Variants in RPE65 observed in about 807,000 individuals in gnomAD.
RPE65 encodes retinoid isomerohydrolase RPE65, also known as retinoid isomerohydrolase.
RPE65 carries 58 observed loss-of-function variants against 68.5 expected under a neutral mutation model. The observed-to-expected ratio is 0.85, with a 90% confidence interval of 0.69 to 1.05. The LOEUF is 1.05. RPE65 is among the 50% of genes least tolerant of loss of function. RPE65 has a pLI of 0.00. For synonymous variants in RPE65, 220 were observed against 222.2 expected (o/e 0.99, Z 0.09); for missense variants, 643 against 629.9 (o/e 1.02, Z -0.22).
rs281865289 is a variant in RPE65 at position 68,439,081 on chromosome 1, C to A, written c.859G>T (p.Val287Phe). The A allele has an allele frequency of 2.5e-6, 4 of 1,613,770 alleles. No individual in the cohort carries two copies. In the South Asian group the frequency reaches 4.4e-5, roughly 18 times the overall value. Residue 287 changes from valine (V) to phenylalanine (F), a missense_variant and splice_region_variant, in exon 9 of 14, where the codon GTT (valine) becomes TTT (phenylalanine). Coordinates refer to ENST00000262340, the MANE Select transcript of RPE65 (RefSeq NM_000329.3). ...DCFESNETMG[V>F]WLHIADKKRK... is the part of the protein sequence containing the mutation. The stretch of plus-strand genomic sequence containing the variant: ...TTTTTGTCAGCAATATGAAGCCAAA[C>A]CTTGAAAAATGAGGAAAATATTTTG...
At chr1:68,447,690 A>T (rs768798719) in intron 2 of RPE65, among the ~76,000 whole-genome samples, 1 of 152,156 alleles carries the variant, frequency 6.6e-6, no homozygotes, top group Non-Finnish European at 1.5e-5. Flanking sequence ...TCTACTAAAA[A>T]TACGAAAAAT....
intron 10 of RPE65, among the ~76,000 whole-genome samples, chr1:68,437,137 T>C (rs1056419643): frequency 6.6e-6 from 1 of 152,172 alleles, no homozygotes; most frequent in African/African-American, 2.4e-5. Context: ...AAAATACACA[T>C]TTAAAATACT....
At chr1:68,437,427 G>A (rs1285336882) in intron 10 of RPE65, among the ~76,000 whole-genome samples, 1 of 152,160 alleles carries the variant, frequency 6.6e-6, no homozygotes, top group African/African-American at 2.4e-5. Flanking sequence ...AAGAGCAGTG[G>A]TGTTTGGTTC....
chr1:68,440,847 A>C lies in RPE65; in HGVS notation c.643+6T>G. The C allele has an allele frequency of 6.2e-7, 1 of 1,613,876 alleles. No individual in the cohort carries two copies. Among genetic ancestry groups the C allele is most frequent in the Non-Finnish European group, 8.5e-7 (1 of 1,179,816 alleles). ...TTTTCAGAAGAGGACAGATTGGTAA[A>C]CTCACCTGCTTGCAGTGGTGGGATC... On this transcript the variant is annotated splice_donor_region_variant and intron_variant, in intron 6 of 13. Transcript: ENST00000262340.
intron 10 of RPE65, 41 bp downstream of exon 10, chr1:68,438,146 A>G (rs1645873782): frequency 6.2e-7 from 1 of 1,612,480 alleles, no homozygotes; most frequent in Non-Finnish European, 8.5e-7. Context: ...GAGAGATGAA[A>G]CATTCTGGTT....
At chr1:68,438,480 G>T (rs1441177426) in intron 9 of RPE65, among the ~76,000 whole-genome samples, 164 bp from the exon 10 acceptor site, 2 of 152,078 alleles carry the variant, frequency 1.3e-5, no homozygotes, top group Non-Finnish European at 2.9e-5. Context: ...GCCCACACAG[G>T]ATGAAAATAA....
chr1:68,436,535 C>G (rs1022527035), intron 10 of RPE65, among the ~76,000 whole-genome samples: 24 of 151,974 alleles, frequency 1.6e-4, no homozygotes, highest in African/African-American at 5.8e-4. Flanking sequence ...ATGGCATGAT[C>G]TCGGCTCACT....
chr1:68,439,930 G>T (rs994890498), intron 6 of RPE65, among the ~76,000 whole-genome samples: 10 of 152,140 alleles, frequency 6.6e-5, no homozygotes, highest in African/African-American at 2.2e-4. Flanking sequence ...TGGGTTTTAA[G>T]TCAGGGGAGT....
Position 68,446,778 on chromosome 1 carries a change from G to A in RPE65, c.177C>T (p.His59=). Residue 59 remains histidine, a synonymous_variant, in exon 3 of 14, where the codon CAC becomes CAT. Transcript: ENST00000262340. ...LFEVGSEPFY[H]LFDGQALLHK... ...GCAGGAGGGCTTGCCCATCAAACAG[G>A]TGGTAAAATGGCTCAGATCCAACTT... 6.2e-7 allele frequency: 1 copy of A among 1,614,174 alleles called. No homozygotes were observed. The highest frequency in any genetic ancestry group is 1.1e-5 in the South Asian group (1 of 91,078).
In RPE65 at chr1:68,449,917, T is replaced by A; in HGVS notation, c.-12A>T. On this transcript the variant is annotated 5_prime_UTR_variant, in exon 1 of 14. Transcript: ENST00000262340. ...TACTGGATAGACATTTTCTTCCAGT[T>A]CAGGATCCAGAGTTCTGGCACCAAC... The A allele has an allele frequency of 6.2e-7, 1 of 1,614,204 alleles. No individual in the cohort carries two copies. Among genetic ancestry groups the A allele is most frequent in the Non-Finnish European group, 8.5e-7 (1 of 1,180,014 alleles).
chr1:68,447,836 C>T (rs545654193), intron 2 of RPE65, among the ~76,000 whole-genome samples: 5 of 151,784 alleles, frequency 3.3e-5, no homozygotes, highest in African/African-American at 1.2e-4. Context: ...GGCGACTGAG[C>T]GAGACTCTGT....
At chr1:68,434,259 C>T (rs1054058184) in intron 10 of RPE65, among the ~76,000 whole-genome samples, 1 of 151,882 alleles carries the variant, frequency 6.6e-6, no homozygotes, top group Admixed American at 6.6e-5. Context: ...TACCCCAACT[C>T]CAGGCCAAGT....
rs1571156921 is a variant in RPE65, at chr1:68,429,448, A to G, written c.*328T>C. 2 of 316,080 alleles carry G rather than the reference A, an allele frequency of 6.3e-6. No individual in the cohort carries two copies. The highest frequency in any genetic ancestry group is 1.2e-5 in the Non-Finnish European group (2 of 165,818). The allele number at this position is 316,080 out of a possible 1,614,324, so 19.6% of individuals were successfully genotyped here. The stretch of plus-strand genomic sequence containing the variant: ...TGTTAAAAATATAATTGGAGCAGAT[A>G]GGTACCTAAAATATGCTCTTATAAT... On this transcript the variant is annotated 3_prime_UTR_variant, in exon 14 of 14. Transcript: ENST00000262340.
intron 10 of RPE65, among the ~76,000 whole-genome samples, chr1:68,433,644 G>A (rs1046945983): frequency 6.6e-6 from 1 of 152,188 alleles, no homozygotes. Context: ...AGCAAAGTGA[G>A]AGAGTAAGTG....
intron 2 of RPE65, among the ~76,000 whole-genome samples, chr1:68,447,769 A>G (rs1211632559): frequency 2.0e-5 from 3 of 152,224 alleles, no homozygotes; most frequent in South Asian, 4.1e-4. Flanking sequence ...AGAATGGCAT[A>G]AACCCATGAG....
In RPE65 at chr1:68,446,778, G is replaced by T; in HGVS notation, c.177C>A (p.His59Gln). ...LFEVGSEPFY[H>Q]LFDGQALLHK... is the part of the protein sequence containing the mutation. ...GCAGGAGGGCTTGCCCATCAAACAG[G>T]TGGTAAAATGGCTCAGATCCAACTT... Residue 59 changes from histidine to glutamine, a missense_variant, in exon 3 of 14, where the codon CAC becomes CAA. By Grantham distance (24) the His-to-Gln change is conservative (BLOSUM62 0). Coordinates refer to ENST00000262340, the MANE Select transcript of RPE65 (RefSeq NM_000329.3). The T allele has an allele frequency of 1.2e-6, 2 of 1,614,174 alleles. No homozygotes were observed. The highest frequency in any genetic ancestry group is 1.7e-6 in the Non-Finnish European group (2 of 1,180,036).
chr1:68,433,622 G>A (rs1179826521), intron 10 of RPE65, among the ~76,000 whole-genome samples: 1 of 152,118 alleles, frequency 6.6e-6, no homozygotes, highest in Non-Finnish European at 1.5e-5. Flanking sequence ...GGAGGGTGTG[G>A]AATATTTAAC....
At chr1:68,430,503 T>C (rs1476834923) in intron 13 of RPE65, among the ~76,000 whole-genome samples, 2 of 152,220 alleles carry the variant, frequency 1.3e-5, no homozygotes, top group Non-Finnish European at 2.9e-5. Context: ...TAGTTTTCCA[T>C]ATTTTAATCC....
At chr1:68,437,260 T>C (rs374556889) in intron 10 of RPE65, among the ~76,000 whole-genome samples, 1 of 152,178 alleles carries the variant, frequency 6.6e-6, no homozygotes, top group Non-Finnish European at 1.5e-5. Context: ...CCTACACCCC[T>C]AAATAAACCA....
Sources: gnomAD v4.1 joint callset for allele counts (sites outside exome capture counted in the v4.1 genomes callset) on GRCh38, gnomAD v4.1.1 for gene constraint, MANE v1.5 for transcripts, NCBI Gene and HGNC (gene_info 2026-07-23, HGNC 2026-07-21) for gene names.